Variants in CSMD1 observed in about 807,000 individuals in gnomAD.
The protein encoded by CSMD1 is CUB and sushi domain-containing protein 1.
In CSMD1, 213 loss-of-function variants were observed where a neutral mutation model predicts 417.5. The observed-to-expected ratio is 0.51, with a 90% CI of 0.46 to 0.57. The LOEUF (loss-of-function observed/expected upper bound fraction) is 0.57, where lower values mean the gene tolerates loss of function less well. CSMD1 is among the 20% of genes least tolerant of loss of function. The probability of loss-of-function intolerance (pLI) is 0.00; values close to 1 mark genes in which losing one functional copy is unlikely to be tolerated. For synonymous variants in CSMD1, 2,862 were observed against 1,736.8 expected (o/e 1.65, Z -16.11); for missense variants, 6,923 against 4,529.7 (o/e 1.53, Z -15.17).
chr8:4,897,997 T>G (rs900614151), intron 1 of CSMD1, among the ~76,000 whole-genome samples: 1 of 152,150 alleles, frequency 6.6e-6, no homozygotes, highest in East Asian at 1.9e-4. Context: ...TTCTTTTAGC[T>G]CTGTACTGGA....
chr8:3,955,156 C>G (rs1415450278), intron 5 of CSMD1, among the ~76,000 whole-genome samples: 1 of 152,214 alleles, frequency 6.6e-6, no homozygotes, highest in East Asian at 1.9e-4. Flanking sequence ...GACAGAAGCA[C>G]TGACTGTCCT....
At chr8:3,397,475 C>T (rs1429995044) in intron 16 of CSMD1, among the ~76,000 whole-genome samples, 2 of 152,150 alleles carry the variant, frequency 1.3e-5, no homozygotes, top group African/African-American at 4.8e-5. Flanking sequence ...GAATGTGGTA[C>T]CCTGGGCCCC....
intron 52 of CSMD1, among the ~76,000 whole-genome samples, chr8:3,011,198 C>A (rs180836736): frequency 6.6e-6 from 1 of 152,066 alleles, no homozygotes; most frequent in South Asian, 2.1e-4. Flanking sequence ...AAAAACCCAC[C>A]GCTGAGAAGT....
intron 12 of CSMD1, among the ~76,000 whole-genome samples, chr8:3,468,285 G>A (rs566723985): frequency 1.3e-5 from 2 of 152,150 alleles, no homozygotes; most frequent in Admixed American, 6.5e-5. Flanking sequence ...ACAGGCACAG[G>A]GCTTTCATTT....
At chr8:4,053,149 G>C (rs910217766) in intron 3 of CSMD1, among the ~76,000 whole-genome samples, 5 of 152,276 alleles carry the variant, frequency 3.3e-5, no homozygotes, top group Non-Finnish European at 7.4e-5. Flanking sequence ...GCAGTGTACA[G>C]TTAGTGAAAT....
chr8:3,616,736 A>G lies in CSMD1; in HGVS notation c.1071T>C (p.Asn357=). The change falls in exon 8 of 70, where the codon AAT becomes AAC. Residue 357 remains asparagine (N), a synonymous_variant. Transcript: ENST00000635120. ...DMCPDPGIPE[N]GRRAGSDFRV... ...TGAAGTCGGAACCTGCTCTTCTACC[A>G]TTTTCTGGAATCCCAGGATCTGGAC... 4 of 1,612,322 alleles carry G rather than the reference A, an allele frequency of 2.5e-6. No individual in the cohort carries two copies. The East Asian group carries it at 6.7e-5, about 27-fold the overall frequency.
At chr8:3,751,304 G>A (rs1232373342) in intron 6 of CSMD1, among the ~76,000 whole-genome samples, 1 of 141,596 alleles carries the variant, frequency 7.1e-6, no homozygotes, top group Non-Finnish European at 1.6e-5. Context: ...ATTGAAGTGT[G>A]TGTGTGTGTG....
chr8:3,999,273 G>C (rs966254846), intron 4 of CSMD1, among the ~76,000 whole-genome samples: 14 of 152,020 alleles, frequency 9.2e-5, no homozygotes, highest in Non-Finnish European at 1.9e-4. Flanking sequence ...TACCAAGATG[G>C]GGGGAGTTTG....
intron 2 of CSMD1, among the ~76,000 whole-genome samples, chr8:4,432,576 G>C (rs1231989017): frequency 6.6e-6 from 1 of 152,112 alleles, no homozygotes; most frequent in African/African-American, 2.4e-5. Flanking sequence ...CTTAAAGACA[G>C]GCAGTAAAGC....
chr8:4,320,583 C>T (rs145215183), intron 3 of CSMD1, among the ~76,000 whole-genome samples: 1,528 of 152,212 alleles, frequency 0.01, 25 homozygotes, highest in African/African-American at 0.035. Context: ...TGTTCAACTC[C>T]CACTTATGAG....
intron 5 of CSMD1, among the ~76,000 whole-genome samples, chr8:3,996,157 G>A (rs1324683756): frequency 2.0e-5 from 3 of 151,294 alleles, no homozygotes; most frequent in East Asian, 3.9e-4. Context: ...ATAGGTTCTA[G>A]AATCACTAAC....
chr8:4,082,973 C>T (rs1208063054), intron 3 of CSMD1, among the ~76,000 whole-genome samples: 1 of 151,926 alleles, frequency 6.6e-6, no homozygotes, highest in Non-Finnish European at 1.5e-5. Flanking sequence ...AATAGGACTC[C>T]ATGGTGTATA....
intron 5 of CSMD1, among the ~76,000 whole-genome samples, chr8:3,925,381 T>G (rs1377061525): frequency 6.6e-6 from 1 of 152,204 alleles, no homozygotes; most frequent in Non-Finnish European, 1.5e-5. Flanking sequence ...CAATTTAATA[T>G]TAAGTGTACT....
chr8:3,997,188 A>G (rs539306568), intron 5 of CSMD1, among the ~76,000 whole-genome samples: 34 of 152,356 alleles, frequency 2.2e-4, no homozygotes, highest in African/African-American at 7.2e-4. Flanking sequence ...ACTTAATTCA[A>G]GATAGAAATT....
At chr8:4,287,626 TA>T (rs1585162909) in intron 3 of CSMD1, among the ~76,000 whole-genome samples, 1 of 151,292 alleles carries the variant, frequency 6.6e-6, no homozygotes, top group Non-Finnish European at 1.5e-5. Context: ...TAACCTTAAT[TA>T]AATGCTGGCT....
chr8:3,891,342 G>C (rs542828126), intron 5 of CSMD1, among the ~76,000 whole-genome samples: 3 of 152,050 alleles, frequency 2.0e-5, no homozygotes, highest in South Asian at 2.1e-4. Flanking sequence ...GAGCCACCGC[G>C]CCTATCCTGA....
intron 1 of CSMD1, among the ~76,000 whole-genome samples, chr8:4,717,647 C>G (rs1012212192): frequency 6.6e-6 from 1 of 151,866 alleles, no homozygotes; most frequent in Non-Finnish European, 1.5e-5. Flanking sequence ...GGGGAAAGCA[C>G]TGGTGTGAGT....
In CSMD1 at chr8:3,952,668, C is replaced by G. The variant is rs114160248; in HGVS notation, c.818+45235G>C. ...CTGGGGTGATTACAGATTCTGAAAT[C>G]AAAGAGATATTATTGTTGCACAGCA... On this transcript the variant is annotated intron_variant, in intron 5 of 69. Transcript: ENST00000635120. 6.0e-3 allele frequency among the ~76,000 whole-genome samples: 910 copies of G among 152,146 alleles called. 8 individuals are homozygous for G. The highest frequency in any genetic ancestry group is 0.018 in the African/African-American group (737 of 41,502).
At chr8:4,580,877 T>A (rs2130696201) in intron 2 of CSMD1, among the ~76,000 whole-genome samples, 1 of 152,354 alleles carries the variant, frequency 6.6e-6, no homozygotes, top group Middle Eastern at 3.4e-3. Flanking sequence ...GCAAATAATT[T>A]ATTGCATTTT....
Sources: allele counts gnomAD v4.1 joint callset (sites outside exome capture counted in the v4.1 genomes callset), GRCh38; gene constraint gnomAD v4.1.1; transcripts MANE v1.5; gene names NCBI Gene and HGNC (gene_info 2026-07-23, HGNC 2026-07-21).